GRK3: variants seen among roughly 807,000 people sequenced by gnomAD.
GRK3 encodes the protein adrenergic, beta, receptor kinase 2.
A neutral mutation model predicts 95.7 loss-of-function variants in GRK3; 54 were observed. That is an observed-to-expected ratio of 0.56 (90% CI 0.45 to 0.71). The LOEUF (loss-of-function observed/expected upper bound fraction) is 0.71. Among genes scored for constraint, GRK3 ranks in the 30% least tolerant of loss-of-function variants. The probability of loss-of-function intolerance (pLI) is 0.00; values close to 1 mark genes in which losing one functional copy is unlikely to be tolerated. For synonymous variants in GRK3, 281 were observed against 290.8 expected (o/e 0.97, Z 0.34); for missense variants, 649 against 851.2 (o/e 0.76, Z 2.96).
At chr22:25,604,756 T>C (rs1312909114) in intron 2 of GRK3, among the ~76,000 whole-genome samples, 2 of 152,252 alleles carry the variant, frequency 1.3e-5, no homozygotes, top group Non-Finnish European at 2.9e-5. Context: ...TCGTGGTTAC[T>C]GAGGTGGTTT....
chr22:25,692,504 G>A (rs536794333), intron 12 of GRK3, among the ~76,000 whole-genome samples: 9 of 152,302 alleles, frequency 5.9e-5, no homozygotes, highest in South Asian at 2.1e-4. Context: ...GCGATGCCAC[G>A]GTAAGACAGA....
intron 2 of GRK3, among the ~76,000 whole-genome samples, chr22:25,629,400 G>A (rs1015999078): frequency 6.6e-6 from 1 of 152,226 alleles, no homozygotes; most frequent in African/African-American, 2.4e-5. Context: ...GGTTAATACA[G>A]CATATGGAGC....
chr22:25,574,721 C>G (rs895234008), intron 1 of GRK3, among the ~76,000 whole-genome samples: 2 of 152,146 alleles, frequency 1.3e-5, no homozygotes, highest in Non-Finnish European at 2.9e-5. Context: ...GACTTTAATA[C>G]ACATCTTTAA....
At chr22:25,698,857 C>T (rs900419707) in intron 13 of GRK3, among the ~76,000 whole-genome samples, 1 of 152,142 alleles carries the variant, frequency 6.6e-6, no homozygotes, top group African/African-American at 2.4e-5. Flanking sequence ...GACATGGCGG[C>T]ATTGCAGAGT....
intron 9 of GRK3, among the ~76,000 whole-genome samples, chr22:25,679,624 T>G (rs1405877172): frequency 6.6e-6 from 1 of 152,210 alleles, no homozygotes; most frequent in Non-Finnish European, 1.5e-5. Context: ...CAGATGCCAG[T>G]GTATGTGAAG....
intron 12 of GRK3, among the ~76,000 whole-genome samples, chr22:25,693,195 G>A (rs931368703): frequency 6.6e-6 from 1 of 152,238 alleles, no homozygotes; most frequent in Non-Finnish European, 1.5e-5. Context: ...GTCTTAAAAC[G>A]TCCAAGTGTT....
intron 5 of GRK3, among the ~76,000 whole-genome samples, chr22:25,666,166 T>G (rs1363236485): frequency 6.6e-6 from 1 of 152,232 alleles, no homozygotes; most frequent in African/African-American, 2.4e-5. Flanking sequence ...CATGGTAGAT[T>G]CTACGTAGTC....
intron 2 of GRK3, among the ~76,000 whole-genome samples, chr22:25,607,108 A>G (rs1300219524): frequency 4.6e-5 from 7 of 152,150 alleles, no homozygotes; most frequent in Non-Finnish European, 8.8e-5. Context: ...GTATATATAT[A>G]TATTTACATC....
chr22:25,711,305 T>G (rs760128016), intron 17 of GRK3, 142 bp downstream of exon 17: 40 of 496,572 alleles, frequency 8.1e-5, no homozygotes, highest in Non-Finnish European at 1.3e-4. Context: ...TTGAAGAATG[T>G]GTAAGTTAAG....
At chr22:25,652,642 G>A (rs1269145346) in intron 3 of GRK3, among the ~76,000 whole-genome samples, 2 of 151,996 alleles carry the variant, frequency 1.3e-5, no homozygotes, top group Non-Finnish European at 2.9e-5. Context: ...TAATCAGTCA[G>A]GGATGTTTAT....
At chr22:25,583,285 C>A (rs970222804) in intron 1 of GRK3, among the ~76,000 whole-genome samples, 1 of 151,386 alleles carries the variant, frequency 6.6e-6, no homozygotes, top group African/African-American at 2.4e-5. Context: ...TTTAGGAATT[C>A]TTCTCACATG....
At chr22:25,716,283 C>G (rs914941318) in intron 18 of GRK3, among the ~76,000 whole-genome samples, 1 of 152,162 alleles carries the variant, frequency 6.6e-6, no homozygotes, top group African/African-American at 2.4e-5. Context: ...CCACTGCGCC[C>G]GGCCATAAGC....
chr22:25,710,530 G>A (rs2085335802), intron 16 of GRK3, among the ~76,000 whole-genome samples: 1 of 152,182 alleles, frequency 6.6e-6, no homozygotes, highest in Non-Finnish European at 1.5e-5. Context: ...TTAGAAAAAT[G>A]TTGATTATCA....
chr22:25,716,080 A>G (rs1601547877), intron 18 of GRK3, among the ~76,000 whole-genome samples: 1 of 151,920 alleles, frequency 6.6e-6, no homozygotes. Context: ...TCCGCCTCCC[A>G]GGTTCAAGTG....
intron 2 of GRK3, among the ~76,000 whole-genome samples, chr22:25,619,596 A>G (rs1203033286): frequency 6.7e-6 from 1 of 149,842 alleles, no homozygotes; most frequent in African/African-American, 2.5e-5. Context: ...TGATCTTCCC[A>G]TCTCAGCCTC....
At chr22:25,610,091 TC>T (rs979583800) in intron 2 of GRK3, among the ~76,000 whole-genome samples, 23 of 152,122 alleles carry the variant, frequency 1.5e-4, no homozygotes, top group African/African-American at 5.5e-4. Context: ...GACCTTGTGA[TC>T]CACCCACCTC....
intron 1 of GRK3, among the ~76,000 whole-genome samples, chr22:25,594,465 C>A (rs1004715223): frequency 4.8e-4 from 73 of 152,294 alleles, no homozygotes; most frequent in Admixed American, 4.2e-3. Flanking sequence ...AAAATACTAG[C>A]AAACCAAATC....
chr22:25,710,352 A>T (rs1248465909), intron 16 of GRK3, among the ~76,000 whole-genome samples: 1 of 152,142 alleles, frequency 6.6e-6, no homozygotes, highest in East Asian at 1.9e-4. Context: ...TTTTACATAG[A>T]TCTCTATAAA....
intron 2 of GRK3, among the ~76,000 whole-genome samples, chr22:25,604,921 T>A (rs1432500333): frequency 1.3e-5 from 2 of 152,230 alleles, no homozygotes; most frequent in Non-Finnish European, 2.9e-5. Flanking sequence ...TAAGACTGCG[T>A]ATTCTTCGAG....
Sources: allele counts gnomAD v4.1 joint callset (sites outside exome capture counted in the v4.1 genomes callset), GRCh38; gene constraint gnomAD v4.1.1; transcripts MANE v1.5; gene names NCBI Gene and HGNC (gene_info 2026-07-23, HGNC 2026-07-21).